The following TANGO6 variants were observed in gnomAD, a reference collection of about 807,000 sequenced individuals.
TANGO6 encodes transport and Golgi organization protein 6 homolog.
A neutral mutation model predicts 114.2 loss-of-function variants in TANGO6; 90 were observed. The observed-to-expected ratio is 0.79, with a 90% CI of 0.66 to 0.94. The LOEUF (loss-of-function observed/expected upper bound fraction) is 0.94, where lower values mean the gene tolerates loss of function less well. Ranked by LOEUF, TANGO6 falls within the 40% of genes least tolerant of loss-of-function variation. The probability of loss-of-function intolerance (pLI) is 0.00; values close to 1 mark genes in which losing one functional copy is unlikely to be tolerated. For synonymous variants in TANGO6, 477 were observed against 509.8 expected, an observed-to-expected ratio of 0.94 and a Z score of 0.87; for missense variants, 1,274 against 1,315.3, an observed-to-expected ratio of 0.97 and a Z score of 0.49.
Position 68,919,201 on chromosome 16 carries a change from G to T in TANGO6, c.2109G>T (p.Met703Ile). The T allele has an allele frequency of 6.2e-7, 1 of 1,612,750 alleles. No individual in the cohort carries two copies. ...TGTCCATGGGGCTGGTGGCTGTCAT[G>T]CTAGGAGGAGCTGTTCAGGTGAGTT... is the stretch of plus-strand genomic sequence containing the variant. ...LSMSMGLVAV[M>I]LGGAVQLKSS... The change falls in exon 12 of 18, where the codon ATG becomes ATT. Residue 703 changes from methionine to isoleucine, a missense_variant. Transcript: ENST00000261778.
At chr16:68,969,818 C>T (rs908708428) in intron 14 of TANGO6, among the ~76,000 whole-genome samples, 2 of 152,054 alleles carry the variant, frequency 1.3e-5, no homozygotes, top group African/African-American at 4.8e-5. Context: ...TCCAGAAAGT[C>T]GAGTGGGTGG....
chr16:68,949,414 A>G (rs1248095964), intron 14 of TANGO6, among the ~76,000 whole-genome samples: 1 of 152,126 alleles, frequency 6.6e-6, no homozygotes, highest in African/African-American at 2.4e-5. Flanking sequence ...AGAGGTCAGG[A>G]GTTTCAGACC....
intron 6 of TANGO6, among the ~76,000 whole-genome samples, chr16:68,879,619 C>CT (rs201622523): frequency 0.025 from 3,458 of 140,066 alleles, 118 homozygotes; most frequent in African/African-American, 0.078. Context: ...CATTTTCTTT[C>CT]TTTTTTTTTT....
chr16:68,976,030 G>A (rs956711904), intron 15 of TANGO6, among the ~76,000 whole-genome samples: 2 of 152,016 alleles, frequency 1.3e-5, no homozygotes, highest in Non-Finnish European at 2.9e-5. Context: ...GACCTCTTAC[G>A]CTCAAGGTAT....
Position 68,883,918 on chromosome 16 carries a change from C to CT in TANGO6, c.1377+3297dup, listed in dbSNP as rs199997229. ...ATTCTCCATAGCATTCACTTTCTTT[C>CT]TTTTTTTTTGAGACAGAGTCTCCCT... On this transcript the variant is annotated intron_variant, in intron 7 of 17. Coordinates refer to ENST00000261778, the MANE Select transcript of TANGO6 (RefSeq NM_024562.2). Among the ~76,000 whole-genome samples the CT allele has an allele frequency of 6.4e-4, 96 of 151,114 alleles. No homozygotes were observed. In the Middle Eastern group the frequency reaches 0.01, roughly 16 times the overall value.
At chr16:69,071,545 T>C (rs571455275) in intron 17 of TANGO6, among the ~76,000 whole-genome samples, 9 of 152,342 alleles carry the variant, frequency 5.9e-5, no homozygotes, top group African/African-American at 2.2e-4. Flanking sequence ...TAAATGACCT[T>C]TAAAATATTA....
intron 17 of TANGO6, among the ~76,000 whole-genome samples, chr16:69,078,581 A>G (rs7199643): frequency 0.068 from 10,285 of 151,872 alleles, 935 homozygotes; most frequent in African/African-American, 0.21. Flanking sequence ...ACCATGTTCT[A>G]TTCTGTATTG....
intron 15 of TANGO6, among the ~76,000 whole-genome samples, chr16:68,993,050 A>G (rs893418637): frequency 2.6e-5 from 4 of 152,084 alleles, no homozygotes; most frequent in Non-Finnish European, 4.4e-5. Flanking sequence ...CCCGGGTGAC[A>G]GAGGGAGACT....
intron 14 of TANGO6, among the ~76,000 whole-genome samples, chr16:68,930,533 T>C (rs892788185): frequency 6.6e-6 from 1 of 152,160 alleles, no homozygotes; most frequent in African/African-American, 2.4e-5. Flanking sequence ...AATGTTTACA[T>C]ATTCTGTAGA....
chr16:68,848,019 AC>A (rs1265909324), intron 1 of TANGO6, among the ~76,000 whole-genome samples: 154 of 151,042 alleles, frequency 1.0e-3, no homozygotes, highest in African/African-American at 3.4e-3. Context: ...AAAAAAAAAA[AC>A]TATTGCAAAT....
chr16:68,905,033 A>T (rs1027904315), intron 9 of TANGO6, among the ~76,000 whole-genome samples: 4 of 150,876 alleles, frequency 2.7e-5, no homozygotes, highest in African/African-American at 9.8e-5. Context: ...GACCAGCCTG[A>T]CCAACATGGA....
intron 7 of TANGO6, among the ~76,000 whole-genome samples, chr16:68,887,370 A>G (rs1389372341): frequency 6.6e-6 from 1 of 152,194 alleles, no homozygotes; most frequent in Non-Finnish European, 1.5e-5. Context: ...ACTGCAGGTT[A>G]TCTGGTTTTT....
At chr16:68,940,626 G>A (rs1445137912) in intron 14 of TANGO6, among the ~76,000 whole-genome samples, 3 of 148,046 alleles carry the variant, frequency 2.0e-5, no homozygotes, top group African/African-American at 8.0e-5. Flanking sequence ...AGGCCGACAG[G>A]CACAAAACTT....
intron 1 of TANGO6, among the ~76,000 whole-genome samples, chr16:68,857,041 G>A (rs1423702555): frequency 1.3e-5 from 2 of 152,208 alleles, no homozygotes; most frequent in African/African-American, 4.8e-5. Context: ...CCCAGGAGGC[G>A]GAGTTTGCAG....
chr16:68,893,287 G>C (rs889534317), intron 7 of TANGO6, among the ~76,000 whole-genome samples: 2 of 152,272 alleles, frequency 1.3e-5, no homozygotes, highest in Non-Finnish European at 2.9e-5. Context: ...TCACAGATAA[G>C]GAAACAGAGA....
chr16:68,956,116 A>G (rs1286294242), intron 14 of TANGO6, among the ~76,000 whole-genome samples: 1 of 152,186 alleles, frequency 6.6e-6, no homozygotes, highest in Non-Finnish European at 1.5e-5. Flanking sequence ...GCACCACTGC[A>G]CTCCAGCCTG....
chr16:68,960,915 A>G (rs1215856970), intron 14 of TANGO6, among the ~76,000 whole-genome samples: 3 of 152,206 alleles, frequency 2.0e-5, no homozygotes, highest in Non-Finnish European at 4.4e-5. Context: ...ACTGGTTAAA[A>G]AACTGAAACT....
At chr16:69,005,005 T>G (rs750405332) in intron 15 of TANGO6, among the ~76,000 whole-genome samples, 4 of 152,136 alleles carry the variant, frequency 2.6e-5, no homozygotes, top group Non-Finnish European at 5.9e-5. Flanking sequence ...GGAATGCCAA[T>G]TCCGAACACC....
chr16:68,921,404 G>A (rs1265668095), intron 12 of TANGO6, among the ~76,000 whole-genome samples: 3 of 151,504 alleles, frequency 2.0e-5, no homozygotes, highest in South Asian at 2.1e-4. Flanking sequence ...GGCTGGTCTC[G>A]AACCCCTGAC....
Sources: gnomAD v4.1 joint callset for allele counts (sites outside exome capture counted in the v4.1 genomes callset) on GRCh38, gnomAD v4.1.1 for gene constraint, MANE v1.5 for transcripts, NCBI Gene and HGNC (gene_info 2026-07-23, HGNC 2026-07-21) for gene names.